Variants in SPECC1 observed in about 807,000 individuals in gnomAD.
SPECC1 encodes the protein cytospin-B.
Under a neutral mutation model 104.1 loss-of-function variants are expected in SPECC1, and 62 were observed. The observed-to-expected ratio is 0.60, with a 90% CI of 0.49 to 0.74. The LOEUF is 0.74. Ranked by LOEUF, SPECC1 falls within the 30% of genes least tolerant of loss-of-function variation. SPECC1 has a pLI of 0.00. For synonymous variants in SPECC1, 513 were observed against 501.6 expected, an observed-to-expected ratio of 1.02 and a Z score of -0.30; for missense variants, 1,306 against 1,310.5, an observed-to-expected ratio of 1.00 and a Z score of 0.05.
At chr17:20,209,910 G>A (rs547115845) in intron 4 of SPECC1, among the ~76,000 whole-genome samples, 1 of 152,240 alleles carries the variant, frequency 6.6e-6, no homozygotes, top group South Asian at 2.1e-4. Context: ...ATTTATTCCC[G>A]TGAGGTTGAA....
intron 12 of SPECC1, among the ~76,000 whole-genome samples, chr17:20,291,648 G>A (rs888019056): frequency 6.6e-6 from 1 of 151,930 alleles, no homozygotes; most frequent in South Asian, 2.1e-4. Flanking sequence ...GGGCTCAAAC[G>A]ATCTTCCTGC....
At chr17:20,256,121 C>G (rs539427495) in intron 10 of SPECC1, among the ~76,000 whole-genome samples, 1 of 152,266 alleles carries the variant, frequency 6.6e-6, no homozygotes, top group East Asian at 1.9e-4. Context: ...TCGTAATCCA[C>G]CCACCTCGGC....
chr17:20,124,867 T>G (rs1370070273), intron 3 of SPECC1, among the ~76,000 whole-genome samples: 1 of 152,168 alleles, frequency 6.6e-6, no homozygotes, highest in Non-Finnish European at 1.5e-5. Flanking sequence ...TGCAAAAAAG[T>G]AATTGTGATT....
At chr17:20,111,646 G>A (rs1567851441) in intron 3 of SPECC1, among the ~76,000 whole-genome samples, 2 of 152,152 alleles carry the variant, frequency 1.3e-5, no homozygotes, top group South Asian at 2.1e-4. Flanking sequence ...AGGACCAGCC[G>A]AGTCCCGGGT....
chr17:20,268,714 G>GACA (rs1351547916), intron 12 of SPECC1, among the ~76,000 whole-genome samples: 4 of 152,278 alleles, frequency 2.6e-5, no homozygotes, highest in African/African-American at 9.6e-5. Context: ...AGTGGCACAG[G>GACA]TGTTGTCCTA....
At chr17:20,175,438 C>T (rs2034408423) in intron 3 of SPECC1, among the ~76,000 whole-genome samples, 1 of 152,198 alleles carries the variant, frequency 6.6e-6, no homozygotes, top group Non-Finnish European at 1.5e-5. Context: ...GGCTCTCTGG[C>T]TTTCCTGTTA....
In SPECC1 at chr17:20,314,802, A is replaced by T. The variant is rs1370472844; in HGVS notation, c.*737A>T. ...TTGGGGAAAAATGGGAGTTCTAGGT[A>T]ACAATGTTAACACCTGGAACTTGAT... On this transcript the variant is annotated 3_prime_UTR_variant, in exon 15 of 15. Coordinates refer to ENST00000395527, the MANE Select transcript of SPECC1 (RefSeq NM_001243439.2). 1 of 228,408 alleles carries T rather than the reference A, an allele frequency of 4.4e-6. No homozygotes were observed. Among genetic ancestry groups the T allele is most frequent in the African/African-American group, 2.2e-5 (1 of 44,886 alleles). 14.1% of individuals were successfully genotyped at this position (228,408 alleles called of 1,614,324 possible).
At chr17:20,169,441 C>T (rs1011271445) in intron 3 of SPECC1, among the ~76,000 whole-genome samples, 1 of 151,914 alleles carries the variant, frequency 6.6e-6, no homozygotes, top group African/African-American at 2.4e-5. Flanking sequence ...ATCTATTTTT[C>T]TTTTTAGATA....
chr17:20,297,999 T>A (rs1217072354), intron 13 of SPECC1, among the ~76,000 whole-genome samples: 1 of 152,226 alleles, frequency 6.6e-6, no homozygotes, highest in African/African-American at 2.4e-5. Context: ...AACTCAGTGC[T>A]GTGAGACAGA....
chr17:20,177,704 T>C (rs1000527287), intron 3 of SPECC1, among the ~76,000 whole-genome samples: 3 of 152,192 alleles, frequency 2.0e-5, no homozygotes, highest in African/African-American at 7.2e-5. Flanking sequence ...TTTTTGTATT[T>C]TATTTTATTT....
chr17:20,248,800 A>G (rs1321062378), intron 9 of SPECC1, among the ~76,000 whole-genome samples: 1 of 152,066 alleles, frequency 6.6e-6, no homozygotes, highest in Non-Finnish European at 1.5e-5. Context: ...TTTATCTTTT[A>G]ATGTCATATT....
At chr17:20,149,699 G>T (rs949892200) in intron 3 of SPECC1, among the ~76,000 whole-genome samples, 4 of 152,252 alleles carry the variant, frequency 2.6e-5, no homozygotes, top group South Asian at 2.1e-4. Context: ...GCTGAGTCTT[G>T]TGAGTCCTTT....
At chr17:20,028,466 C>G (rs1385512887) in intron 1 of SPECC1, among the ~76,000 whole-genome samples, 6 of 150,504 alleles carry the variant, frequency 4.0e-5, no homozygotes, top group Non-Finnish European at 8.8e-5. Context: ...GAGATTCTAT[C>G]TCTACAAAAA....
intron 7 of SPECC1, among the ~76,000 whole-genome samples, chr17:20,235,459 G>A (rs537805129): frequency 2.6e-5 from 4 of 152,234 alleles, no homozygotes; most frequent in African/African-American, 9.6e-5. Context: ...AAATGAACCC[G>A]TCACATCTTT....
intron 3 of SPECC1, among the ~76,000 whole-genome samples, chr17:20,110,856 G>A (rs1272682248): frequency 6.6e-6 from 1 of 151,964 alleles, no homozygotes; most frequent in Non-Finnish European, 1.5e-5. Context: ...TCCAAGCAGG[G>A]CGGCATATGT....
intron 3 of SPECC1, among the ~76,000 whole-genome samples, chr17:20,148,658 T>C (rs1796707082): frequency 6.6e-6 from 1 of 152,092 alleles, no homozygotes; most frequent in Non-Finnish European, 1.5e-5. Flanking sequence ...GTTGAAACCC[T>C]TTCCATCTTA....
intron 3 of SPECC1, among the ~76,000 whole-genome samples, chr17:20,151,356 T>C (rs913184580): frequency 7.9e-5 from 12 of 152,232 alleles, no homozygotes; most frequent in African/African-American, 2.7e-4. Context: ...CCTTCAACAG[T>C]ACTGCGTTGT....
intron 1 of SPECC1, among the ~76,000 whole-genome samples, chr17:20,026,446 T>A (rs2044603895): frequency 1.3e-5 from 2 of 152,158 alleles, no homozygotes; most frequent in African/African-American, 4.8e-5. Context: ...GCTGTAAATT[T>A]TTATCCATTA....
intron 12 of SPECC1, among the ~76,000 whole-genome samples, chr17:20,294,332 G>A (rs2041269924): frequency 6.6e-6 from 1 of 152,226 alleles, no homozygotes; most frequent in East Asian, 1.9e-4. Flanking sequence ...GCTGCTGGGG[G>A]CTGCACCCAT....
Sources: gnomAD v4.1 joint callset for allele counts (sites outside exome capture counted in the v4.1 genomes callset) on GRCh38, gnomAD v4.1.1 for gene constraint, MANE v1.5 for transcripts, NCBI Gene and HGNC (gene_info 2026-07-23, HGNC 2026-07-21) for gene names.